Variants in DPYSL3 observed in about 807,000 individuals in gnomAD.
DPYSL3 encodes the protein dihydropyrimidinase-related protein 3.
DPYSL3 carries 16 observed loss-of-function variants against 66.1 expected under a neutral mutation model. That is an observed-to-expected ratio of 0.24 (90% CI 0.16 to 0.37). The LOEUF (loss-of-function observed/expected upper bound fraction) is 0.37. Ranked by LOEUF, DPYSL3 falls within the 10% of genes least tolerant of loss-of-function variation. The pLI, the probability that DPYSL3 is intolerant of heterozygous loss-of-function variation, is 1.00. For missense variants in DPYSL3, 738 were observed against 916.2 expected (o/e 0.81, Z 2.51); for synonymous variants, 338 against 345.1 (o/e 0.98, Z 0.23).
chr5:147,491,420 C>T (rs1054619581), intron 1 of DPYSL3, among the ~76,000 whole-genome samples: 3 of 152,074 alleles, frequency 2.0e-5, no homozygotes, highest in Admixed American at 1.3e-4. Context: ...GGCAGAAAAC[C>T]GAGTGTGAAG....
intron 13 of DPYSL3, 23 bp from the exon 14 acceptor site, chr5:147,394,146 A>AG (rs751567310): frequency 4.3e-6 from 7 of 1,610,134 alleles, no homozygotes; most frequent in Admixed American, 3.4e-5. Flanking sequence ...ATAAATTCCC[A>AG]GGGGGAAAAA....
Position 147,457,988 on chromosome 5 carries a change from G to A in DPYSL3, c.382-33025C>T, listed in dbSNP as rs115094324. ...AAGACCATCTAGGAAAGAAGGTATT[G>A]GGAGAGGGAGGAGGAGTTCATATGA... is the stretch of plus-strand genomic sequence containing the variant. On this transcript the variant is annotated intron_variant, in intron 1 of 13. Transcript: ENST00000343218. Among the ~76,000 whole-genome samples, 725 of 152,280 alleles carry A rather than the reference G, an allele frequency of 4.8e-3. 11 individuals carry two copies. Among genetic ancestry groups the A allele is most frequent in the African/African-American group, 0.016 (678 of 41,542 alleles).
At chr5:147,399,425 C>G (rs1432836) in intron 10 of DPYSL3, among the ~76,000 whole-genome samples, 173 bp from the exon 11 acceptor site, 12,102 of 152,080 alleles carry the variant, frequency 0.08, 671 homozygotes, top group Non-Finnish European at 0.13. Context: ...GCTGGGCTGT[C>G]GTGACTACTC....
intron 1 of DPYSL3, among the ~76,000 whole-genome samples, chr5:147,432,766 A>C (rs73794723): frequency 0.025 from 3,754 of 152,296 alleles, 146 homozygotes; most frequent in African/African-American, 0.085. Flanking sequence ...TTATTTGCTT[A>C]ATATTATCCT....
chr5:147,452,309 C>A (rs561616539), intron 1 of DPYSL3, among the ~76,000 whole-genome samples: 16 of 152,222 alleles, frequency 1.1e-4, no homozygotes, highest in African/African-American at 3.9e-4. Context: ...CAAAACCTGG[C>A]GGACCCTGCA....
intron 7 of DPYSL3, among the ~76,000 whole-genome samples, chr5:147,408,043 G>C (rs1751751527): frequency 6.6e-6 from 1 of 152,126 alleles, no homozygotes; most frequent in Non-Finnish European, 1.5e-5. Flanking sequence ...CCTGTTGTAG[G>C]GTTTGGAATG....
rs778946047 is a variant in DPYSL3, at chr5:147,400,743, C to T, written c.1401G>A (p.Glu467=). The T allele has an allele frequency of 5.0e-6, 8 of 1,614,178 alleles. No individual in the cohort carries two copies. In the Admixed American group the frequency reaches 1.3e-4, roughly 27 times the overall value. Reference sequence around the variant, plus strand: ...TCCGCTCCTCCACACCATTGGTGCCCTCAGGAATGGCTGTGAAGTTGTCCT... The same window carrying T: ...TCCGCTCCTCCACACCATTGGTGCCTTCAGGAATGGCTGTGAAGTTGTCCT... ...IGKDNFTAIP[E]GTNGVEERMS... The change falls in exon 10 of 14, where the codon GAG becomes GAA. Residue 467 remains glutamate, a synonymous_variant. Transcript: ENST00000343218.
intron 2 of DPYSL3, among the ~76,000 whole-genome samples, 169 bp from the exon 3 acceptor site, chr5:147,418,800 T>C (rs1752025075): frequency 1.3e-5 from 2 of 152,230 alleles, no homozygotes; most frequent in African/African-American, 4.8e-5. Context: ...AAGATAGATA[T>C]ACACAGAAAA....
rs373398234 is a variant in DPYSL3 at position 147,418,555 on chromosome 5, C to T, written c.547G>A (p.Gly183Ser). 73 of 1,613,154 alleles carry T rather than the reference C, an allele frequency of 4.5e-5. No individual in the cohort carries two copies. The highest frequency in any genetic ancestry group is 3.3e-4 in the Middle Eastern group (2 of 6,080). Residue 183 changes from glycine (G) to serine (S), a missense_variant, in exon 3 of 14, where the codon GGC becomes AGC. Physicochemically the swap from Gly to Ser is moderately conservative, Grantham distance 56. Coordinates refer to ENST00000343218, the MANE Select transcript of DPYSL3 (RefSeq NM_001197294.2). ...TGGAAGTGAGTATGGACATCGATGC[C>T]TCCAGGGATCACCATCTTCCCATTG... is the stretch of plus-strand genomic sequence containing the variant. ...EANGKMVIPG[G>S]IDVHTHFQMP...
rs370986614 is a variant in DPYSL3, at chr5:147,401,515, T to C, written c.1310+25A>G. On this transcript the variant is annotated intron_variant, in intron 9 of 13. Transcript: ENST00000343218. ...TCAAGAGATGTTTTCACAAAACGCC[T>C]GCTGCTGGGCATTCCTGCACCAACC... 1.2e-5 allele frequency: 19 copies of C among 1,594,050 alleles called. No individual in the cohort carries two copies. In the African/African-American group the frequency reaches 2.6e-4, roughly 21 times the overall value.
At chr5:147,493,701 C>G (rs1476646440) in intron 1 of DPYSL3, among the ~76,000 whole-genome samples, 1 of 152,158 alleles carries the variant, frequency 6.6e-6, no homozygotes, top group Non-Finnish European at 1.5e-5. Context: ...ACTACTTCAT[C>G]CAACAAAAGC....
intron 8 of DPYSL3, among the ~76,000 whole-genome samples, chr5:147,404,110 C>T (rs1758271992): frequency 1.3e-5 from 2 of 152,114 alleles, no homozygotes; most frequent in Admixed American, 1.3e-4. Context: ...TTCCTACACA[C>T]TTCTTCTTTT....
At chr5:147,432,204 G>A (rs550435769) in intron 1 of DPYSL3, among the ~76,000 whole-genome samples, 5 of 152,280 alleles carry the variant, frequency 3.3e-5, no homozygotes, top group East Asian at 3.9e-4. Context: ...TGCAACCCAC[G>A]AAGCAGAATA....
intron 1 of DPYSL3, among the ~76,000 whole-genome samples, chr5:147,448,782 C>T (rs1288088654): frequency 6.6e-6 from 1 of 152,200 alleles, no homozygotes; most frequent in Admixed American, 6.5e-5. Context: ...GTTCAGGGCT[C>T]TTTCTATACC....
At chr5:147,419,193 A>C (rs1391811063) in intron 2 of DPYSL3, among the ~76,000 whole-genome samples, 2 of 152,184 alleles carry the variant, frequency 1.3e-5, no homozygotes, top group Non-Finnish European at 2.9e-5. Flanking sequence ...ACCATTTATC[A>C]GCCAATCACA....
chr5:147,446,955 T>C (rs372194124), intron 1 of DPYSL3, among the ~76,000 whole-genome samples: 4 of 152,230 alleles, frequency 2.6e-5, no homozygotes, highest in African/African-American at 9.6e-5. Flanking sequence ...CCTGTGCCTA[T>C]GGAACTACTG....
At chr5:147,502,721 C>T (rs1317724534) in intron 1 of DPYSL3, among the ~76,000 whole-genome samples, 2 of 151,932 alleles carry the variant, frequency 1.3e-5, no homozygotes, top group African/African-American at 2.4e-5. Context: ...GGACTACAGG[C>T]GCCTGCCACC....
At chr5:147,505,734 C>A (rs1753677462) in intron 1 of DPYSL3, among the ~76,000 whole-genome samples, 1 of 152,198 alleles carries the variant, frequency 6.6e-6, no homozygotes, top group Admixed American at 6.5e-5. Flanking sequence ...TTTGCAGCAA[C>A]TGTTCTCCAA....
At chr5:147,478,411 A>G (rs1192452108) in intron 1 of DPYSL3, among the ~76,000 whole-genome samples, 1 of 152,206 alleles carries the variant, frequency 6.6e-6, no homozygotes, top group Middle Eastern at 3.2e-3. Flanking sequence ...GACACACATC[A>G]TAACATCTAA....
Sources: gnomAD v4.1 joint callset for allele counts (sites outside exome capture counted in the v4.1 genomes callset) on GRCh38, gnomAD v4.1.1 for gene constraint, MANE v1.5 for transcripts, NCBI Gene and HGNC (gene_info 2026-07-23, HGNC 2026-07-21) for gene names.